Variants in MACROD2 observed in about 807,000 individuals in gnomAD.
MACROD2 encodes the protein ADP-ribose glycohydrolase MACROD2.
A neutral mutation model predicts 70.4 loss-of-function variants in MACROD2; 36 were observed. The observed-to-expected ratio is 0.51, with a 90% CI of 0.39 to 0.68. MACROD2 has a LOEUF of 0.68. Ranked by LOEUF, MACROD2 falls within the 30% of genes least tolerant of loss-of-function variation. The probability of loss-of-function intolerance (pLI) is 0.00; values close to 1 mark genes in which losing one functional copy is unlikely to be tolerated. For missense variants in MACROD2, 496 were observed against 538.4 expected, an observed-to-expected ratio of 0.92 and a Z score of 0.78; for synonymous variants, 172 against 178.8, an observed-to-expected ratio of 0.96 and a Z score of 0.30.
At chr20:15,267,757 A>C (rs1301402081) in intron 6 of MACROD2, among the ~76,000 whole-genome samples, 3 of 152,140 alleles carry the variant, frequency 2.0e-5, no homozygotes, top group Non-Finnish European at 2.9e-5. Context: ...TGACCTGAGC[A>C]CTGGGAGGAT....
chr20:15,141,384 A>G (rs1384964317), intron 5 of MACROD2, among the ~76,000 whole-genome samples: 4 of 151,318 alleles, frequency 2.6e-5, no homozygotes, highest in Admixed American at 1.3e-4. Context: ...ATACATACAT[A>G]TAGATATACA....
At chr20:14,541,722 C>G (rs1470383470) in intron 4 of MACROD2, among the ~76,000 whole-genome samples, 2 of 151,936 alleles carry the variant, frequency 1.3e-5, no homozygotes, top group Non-Finnish European at 2.9e-5. Flanking sequence ...GGTTATGTTT[C>G]CTGAGGAGAA....
intron 5 of MACROD2, among the ~76,000 whole-genome samples, chr20:14,750,290 C>T (rs2071853197): frequency 6.6e-6 from 1 of 152,004 alleles, no homozygotes; most frequent in Non-Finnish European, 1.5e-5. Flanking sequence ...AGTTTGTATT[C>T]ACTTTTTCAA....
intron 1 of MACROD2, among the ~76,000 whole-genome samples, chr20:13,996,126 G>A (rs2052643084): frequency 6.7e-6 from 1 of 148,972 alleles, no homozygotes. Context: ...CCAGGCGGCA[G>A]CCCCGGGCGC....
intron 8 of MACROD2, among the ~76,000 whole-genome samples, chr20:15,636,390 A>T (rs1322979506): frequency 1.3e-5 from 2 of 152,226 alleles, no homozygotes; most frequent in Non-Finnish European, 1.5e-5. Context: ...AATACTTGGG[A>T]TGCATAGATG....
At chr20:14,834,080 C>G (rs2073001448) in intron 5 of MACROD2, among the ~76,000 whole-genome samples, 1 of 152,006 alleles carries the variant, frequency 6.6e-6, no homozygotes, top group South Asian at 2.1e-4. Context: ...AATGAAACTA[C>G]ATAATATATT....
In MACROD2 at chr20:15,276,399, C is replaced by CA. The variant is rs1181200009; in HGVS notation, c.540+46345dup. On this transcript the variant is annotated intron_variant, in intron 6 of 17. Transcript: ENST00000684519. ...TGGGCGACAGAGAGAGACTCCCTCT[C>CA]AAAAAAATAAAAAAATAAAAAAATC... Among the ~76,000 whole-genome samples the CA allele has an allele frequency of 4.7e-3, 281 of 59,348 alleles. 15 individuals are homozygous for CA. Among genetic ancestry groups the CA allele is most frequent in the African/African-American group, 0.013 (244 of 19,174 alleles). The allele number at this position is 59,348 out of a possible 152,430, so 38.9% of individuals were successfully genotyped here. A position where few individuals can be genotyped will look rare whatever the true frequency, so the allele number is the denominator to read the frequency against.
At chr20:14,689,069 C>G (rs2071034046) in intron 5 of MACROD2, among the ~76,000 whole-genome samples, 1 of 152,116 alleles carries the variant, frequency 6.6e-6, no homozygotes, top group Non-Finnish European at 1.5e-5. Context: ...TGTGCTTCCC[C>G]CACTCACACA....
Position 14,898,218 on chromosome 20 carries a change from C to T in MACROD2, c.418+213259C>T, listed in dbSNP as rs1211075267. ...TAACTTATTACCTCAGGTTAGGTTC[C>T]TTTCTAGTTGAGATTTTTATAATTA... is the stretch of plus-strand genomic sequence containing the variant. On this transcript the variant is annotated intron_variant, in intron 5 of 17. Coordinates refer to ENST00000684519, the MANE Select transcript of MACROD2 (RefSeq NM_001351661.2). Among the ~76,000 whole-genome samples, 53 of 152,010 alleles carry T rather than the reference C, an allele frequency of 3.5e-4. 1 individual carries two copies. The highest frequency in any genetic ancestry group is 3.5e-3 in the Admixed American group (53 of 15,260).
At chr20:15,796,696 AATT>A (rs1430398260) in intron 8 of MACROD2, among the ~76,000 whole-genome samples, 1 of 152,164 alleles carries the variant, frequency 6.6e-6, no homozygotes, top group Non-Finnish European at 1.5e-5. Flanking sequence ...TAATACTTAG[AATT>A]ATTATCTCCT....
intron 5 of MACROD2, among the ~76,000 whole-genome samples, chr20:14,840,977 G>C (rs142587337): frequency 1.3e-5 from 2 of 152,052 alleles, no homozygotes; most frequent in African/African-American, 4.8e-5. Flanking sequence ...GACGTGAAAC[G>C]AGTGTTATTA....
chr20:15,508,091 G>T (rs951216265), intron 8 of MACROD2, among the ~76,000 whole-genome samples: 5 of 152,160 alleles, frequency 3.3e-5, no homozygotes, highest in African/African-American at 1.2e-4. Flanking sequence ...GGCAATCAAG[G>T]CCTTGGGGTG....
At chr20:15,749,581 A>G (rs76692338) in intron 8 of MACROD2, among the ~76,000 whole-genome samples, 13,274 of 152,058 alleles carry the variant, frequency 0.087, 863 homozygotes, top group East Asian at 0.29. Flanking sequence ...CTCAGCTCCT[A>G]TACTTCTGGA....
intron 5 of MACROD2, among the ~76,000 whole-genome samples, chr20:14,898,545 G>A (rs1191693469): frequency 1.3e-5 from 2 of 152,028 alleles, no homozygotes; most frequent in African/African-American, 4.8e-5. Flanking sequence ...TGGCCAACAT[G>A]GTGAAACCCC....
chr20:14,253,153 G>C (rs1042298107), intron 3 of MACROD2, among the ~76,000 whole-genome samples: 4 of 151,960 alleles, frequency 2.6e-5, no homozygotes, highest in African/African-American at 9.7e-5. Flanking sequence ...AGGAGATTCT[G>C]ACAGAAAATG....
rs113117475 is a variant in MACROD2, at chr20:14,174,874, G to A, written c.271+89146G>A. The stretch of plus-strand genomic sequence containing the variant: ...GACTCTTTCTGCTGCTTCTTCTACC[G>A]TTGTATTTCACTCAGTTCTCTAAAT... On this transcript the variant is annotated intron_variant, in intron 3 of 17. Transcript: ENST00000684519. 5.3e-4 allele frequency among the ~76,000 whole-genome samples: 80 copies of A among 152,252 alleles called. 1 individual carries two copies. The South Asian group carries it at 7.3e-3, about 14-fold the overall frequency.
chr20:15,821,077 T>C (rs1241993891), intron 8 of MACROD2, among the ~76,000 whole-genome samples: 1 of 152,174 alleles, frequency 6.6e-6, no homozygotes, highest in South Asian at 2.1e-4. Flanking sequence ...TCTCTGTGGT[T>C]TGCCTTTTTA....
intron 6 of MACROD2, among the ~76,000 whole-genome samples, chr20:15,395,460 G>T (rs1393543539): frequency 6.6e-6 from 1 of 151,890 alleles, no homozygotes; most frequent in Non-Finnish European, 1.5e-5. Flanking sequence ...TAACACAAGG[G>T]TTGGCAGGCT....
intron 5 of MACROD2, among the ~76,000 whole-genome samples, chr20:14,964,527 C>G (rs1352355576): frequency 6.6e-6 from 1 of 151,600 alleles, no homozygotes; most frequent in Non-Finnish European, 1.5e-5. Flanking sequence ...GAGCCGAGAT[C>G]GCGCCACTGC....
Sources: gnomAD v4.1 joint callset for allele counts (sites outside exome capture counted in the v4.1 genomes callset) on GRCh38, gnomAD v4.1.1 for gene constraint, MANE v1.5 for transcripts, NCBI Gene and HGNC (gene_info 2026-07-23, HGNC 2026-07-21) for gene names.